RPH3AL: variants seen among roughly 807,000 people sequenced by gnomAD.
The protein encoded by RPH3AL is rabphilin 3A like (without C2 domains), also known as rab effector Noc2.
Under a neutral mutation model 43.1 loss-of-function variants are expected in RPH3AL, and 38 were observed. That is an observed-to-expected ratio of 0.88 (90% CI 0.68 to 1.15). RPH3AL has a LOEUF of 1.15. Among genes scored for constraint, RPH3AL ranks in the 50% most tolerant of loss-of-function variants. The pLI is 0.00. For synonymous variants in RPH3AL, 189 were observed against 176.3 expected, an observed-to-expected ratio of 1.07 and a Z score of -0.57; for missense variants, 462 against 423.2, an observed-to-expected ratio of 1.09 and a Z score of -0.81.
chr17:219,697 G>A lies in RPH3AL; in HGVS notation c.653C>T (p.Ser218Phe). 1.2e-6 allele frequency: 2 copies of A among 1,613,510 alleles called. No individual in the cohort carries two copies. Among genetic ancestry groups the A allele is most frequent in the Non-Finnish European group, 1.7e-6 (2 of 1,179,876 alleles). The change falls in exon 8 of 10, where the codon TCC (serine) becomes TTC (phenylalanine). Residue 218 changes from serine (S) to phenylalanine (F), a missense_variant. Ser to Phe is a radical substitution (Grantham distance 155). Coordinates refer to ENST00000331302, the MANE Select transcript of RPH3AL (RefSeq NM_006987.4). ...TGGGAGTCTGTCCTCTAGGCTGGAG[G>A]AGCTAAGATCCGAGTCACTGTCACT... is the stretch of plus-strand genomic sequence containing the variant. ...SDSDSDSDLS[S>F]SSLEDRLPST...
At position 314,505 on chromosome 17, in the gene RPH3AL, G is replaced by A. The variant is rs61609077; in HGVS notation, c.351+4915C>T. 1.1e-3 allele frequency among the ~76,000 whole-genome samples: 87 copies of A among 82,574 alleles called. 5 individuals are homozygous for A. Among genetic ancestry groups the A allele is most frequent in the Non-Finnish European group, 1.8e-3 (72 of 39,910 alleles). 54.2% of individuals were successfully genotyped at this position (82,574 alleles called of 152,430 possible). On this transcript the variant is annotated intron_variant, in intron 5 of 9. Coordinates refer to ENST00000331302, the MANE Select transcript of RPH3AL (RefSeq NM_006987.4). ...TTGACCTGTAGTCCCTATACTCCAC[G>A]TCCATTGACCTGTAGTCCCTGTGAC...
chr17:266,733 G>T (rs556229743), intron 6 of RPH3AL, among the ~76,000 whole-genome samples: 5 of 152,250 alleles, frequency 3.3e-5, no homozygotes, highest in East Asian at 1.9e-4. Flanking sequence ...AATTCTGAGG[G>T]TGCTGTTTTC....
At chr17:338,874 A>G (rs1306299606) in intron 1 of RPH3AL, 1 of 152,274 alleles carries the variant, frequency 6.6e-6, no homozygotes, top group African/African-American at 2.4e-5. Flanking sequence ...ACCCGCTTGG[A>G]AAAGGCCCAG....
chr17:332,922 G>C (rs2044826310), intron 2 of RPH3AL: 2 of 953,134 alleles, frequency 2.1e-6, no homozygotes, highest in Non-Finnish European at 2.8e-6. Context: ...CAGGGACTAG[G>C]AGGACCCGAG....
At position 213,089 on chromosome 17, in the gene RPH3AL, T is replaced by C. The variant is rs529621582; in HGVS notation, c.*763A>G. The C allele has an allele frequency of 2.0e-5, 3 of 152,210 alleles. No homozygotes were observed. The highest frequency in any genetic ancestry group is 7.2e-5 in the African/African-American group (3 of 41,488). 9.4% of individuals were successfully genotyped at this position (152,210 alleles called of 1,614,324 possible). On this transcript the variant is annotated 3_prime_UTR_variant, in exon 10 of 10. Coordinates refer to ENST00000331302, the MANE Select transcript of RPH3AL (RefSeq NM_006987.4). Reference sequence around the variant, plus strand: ...GCCAACATGGAGAAACCCCATCTCTTCTAAAAATACAAAAATTAACTGGGT... The same window carrying C: ...GCCAACATGGAGAAACCCCATCTCTCCTAAAAATACAAAAATTAACTGGGT...
chr17:351,169 T>C (rs2045347216), intron 1 of RPH3AL, among the ~76,000 whole-genome samples: 1 of 152,196 alleles, frequency 6.6e-6, no homozygotes, highest in Admixed American at 6.5e-5. Context: ...CCCAAGCCAG[T>C]AAGAGATGTC....
intron 5 of RPH3AL, among the ~76,000 whole-genome samples, chr17:316,318 T>C (rs796700843): frequency 7.3e-6 from 1 of 136,068 alleles, no homozygotes; most frequent in South Asian, 2.5e-4. Flanking sequence ...TGACCTGTAG[T>C]CCCTGTGCTC....
At chr17:262,023 A>G (rs2042206784) in intron 6 of RPH3AL, 1 of 152,238 alleles carries the variant, frequency 6.6e-6, no homozygotes, top group South Asian at 2.1e-4. Context: ...TAAAAACTCC[A>G]GGAAAAACGA....
At chr17:250,910 G>C (rs535347972) in intron 6 of RPH3AL, among the ~76,000 whole-genome samples, 4 of 152,376 alleles carry the variant, frequency 2.6e-5, no homozygotes, top group Non-Finnish European at 4.4e-5. Context: ...CGCCATCGCT[G>C]CAGGACCTCT....
At chr17:217,013 C>A (rs8070351) in intron 8 of RPH3AL, among the ~76,000 whole-genome samples, 21 of 143,536 alleles carry the variant, frequency 1.5e-4, no homozygotes, top group South Asian at 4.6e-4. Flanking sequence ...CTTCTTCTGC[C>A]CTAAAATTGG....
Position 319,520 on chromosome 17 carries a change from C to A in RPH3AL, c.251G>T (p.Arg84Met). The change falls in exon 5 of 10, where the codon AGG (arginine) becomes ATG (methionine). Residue 84 changes from arginine to methionine, a missense_variant. Physicochemically the swap from Arg to Met is moderately conservative, Grantham distance 91. Coordinates refer to ENST00000331302, the MANE Select transcript of RPH3AL (RefSeq NM_006987.4). ...GRLVERLETM[R>M]RNVMGNGLSQ... ...CAGGCCGTTCCCCATCACATTCCGC[C>A]TCATGGTCTCCAGCCGCTCCACCAG... The A allele has an allele frequency of 6.2e-7, 1 of 1,612,098 alleles. No homozygotes were observed. Among genetic ancestry groups the A allele is most frequent in the Non-Finnish European group, 8.5e-7 (1 of 1,179,970 alleles).
intron 5 of RPH3AL, among the ~76,000 whole-genome samples, chr17:301,836 A>G (rs1177682697): frequency 1.3e-5 from 2 of 152,164 alleles, no homozygotes; most frequent in Non-Finnish European, 2.9e-5. Flanking sequence ...TGGCTGTGTC[A>G]TCGAGAGGGA....
At position 345,792 on chromosome 17, in the gene RPH3AL, A is replaced by G. The variant is rs532683794; in HGVS notation, c.-213+6920T>C. On this transcript the variant is annotated intron_variant, in intron 1 of 9. Coordinates refer to ENST00000331302, the MANE Select transcript of RPH3AL (RefSeq NM_006987.4). ...TGGGGCACGCGTGCTCCCCATCTGC[A>G]TGCACACCCTGCTGAGGCAAGCGTG... Among the ~76,000 whole-genome samples the G allele has an allele frequency of 4.6e-4, 58 of 126,010 alleles. 12 individuals are homozygous for G. The highest frequency in any genetic ancestry group is 6.1e-4 in the Non-Finnish European group (34 of 55,708). 82.7% of individuals were successfully genotyped at this position (126,010 alleles called of 152,430 possible).
intron 9 of RPH3AL, among the ~76,000 whole-genome samples, chr17:214,489 G>A (rs1016750932): frequency 6.6e-6 from 1 of 152,200 alleles, no homozygotes; most frequent in African/African-American, 2.4e-5. Flanking sequence ...ATTTCAATTG[G>A]GCGCAGTGGC....
At chr17:315,807 C>T (rs1419075471) in intron 5 of RPH3AL, among the ~76,000 whole-genome samples, 11 of 108,100 alleles carry the variant, frequency 1.0e-4, no homozygotes, top group South Asian at 6.6e-4. Context: ...GTCCCTGTGC[C>T]CCACCTCCAT....
At chr17:310,713 G>A (rs757555456) in intron 5 of RPH3AL, among the ~76,000 whole-genome samples, 6 of 152,140 alleles carry the variant, frequency 3.9e-5, no homozygotes, top group East Asian at 1.9e-4. Context: ...ATGGTTTCAC[G>A]CCTCCCTCCG....
intron 6 of RPH3AL, among the ~76,000 whole-genome samples, chr17:267,262 G>A (rs1194511889): frequency 2.6e-5 from 4 of 152,342 alleles, no homozygotes; most frequent in South Asian, 2.1e-4. Context: ...CAACTGGCAC[G>A]CGGCATGAAA....
At chr17:345,834 TCTGCCCGCAC>T in intron 1 of RPH3AL, among the ~76,000 whole-genome samples, 1 of 133,720 alleles carries the variant, frequency 7.5e-6, no homozygotes, top group African/African-American at 2.6e-5. Context: ...AACTGCCCCA[TCTGCCCGCAC>T]ACCCTGCTGG....
chr17:316,406 T>G lies in RPH3AL; in HGVS notation c.351+3014A>C, dbSNP rs1388043553. On this transcript the variant is annotated intron_variant, in intron 5 of 9. Transcript: ENST00000331302. ...CTCTGCACCCACCTCCATTGTCCTG[T>G]AGTCCCTGTGACCCCACCTCCATTG... Among the ~76,000 whole-genome samples, 3 of 148,006 alleles carry G rather than the reference T, an allele frequency of 2.0e-5. No individual in the cohort carries two copies. The East Asian group carries it at 6.0e-4, about 30-fold the overall frequency.
Sources: allele counts gnomAD v4.1 joint callset (sites outside exome capture counted in the v4.1 genomes callset), GRCh38; gene constraint gnomAD v4.1.1; transcripts MANE v1.5; gene names NCBI Gene and HGNC (gene_info 2026-07-23, HGNC 2026-07-21).